XXYLT1: variants seen among roughly 807,000 people sequenced by gnomAD.
XXYLT1 encodes the protein xyloside xylosyltransferase 1, also known as UDP-xylose:alpha-xyloside alpha-1,3-xylosyltransferase.
XXYLT1 carries 20 observed loss-of-function variants against 28.9 expected under a neutral mutation model. That is an observed-to-expected ratio of 0.69 (90% confidence interval 0.49 to 1.00). XXYLT1 has a LOEUF of 1.00. XXYLT1 is among the 50% of genes least tolerant of loss of function. XXYLT1 has a pLI of 0.00. For synonymous variants in XXYLT1, 257 were observed against 253.8 expected, an observed-to-expected ratio of 1.01 and a Z score of -0.12; for missense variants, 542 against 560.1, an observed-to-expected ratio of 0.97 and a Z score of 0.33.
At chr3:195,263,837 T>C (rs1198887004) in intron 1 of XXYLT1, among the ~76,000 whole-genome samples, 1 of 152,214 alleles carries the variant, frequency 6.6e-6, no homozygotes, top group Non-Finnish European at 1.5e-5. Context: ...ATCCTGGGTT[T>C]AATCACTATA....
intron 2 of XXYLT1, among the ~76,000 whole-genome samples, chr3:195,223,126 G>A (rs2108797623): frequency 1.3e-5 from 2 of 152,050 alleles, no homozygotes; most frequent in African/African-American, 4.8e-5. Flanking sequence ...TCATCTACTT[G>A]GGAGGCTGAG....
chr3:195,161,156 C>G (rs531222067), intron 2 of XXYLT1, among the ~76,000 whole-genome samples: 21 of 152,308 alleles, frequency 1.4e-4, no homozygotes, highest in South Asian at 1.2e-3. Flanking sequence ...GCCCATGAAC[C>G]TCCATCATGT....
rs141440967 is a variant in XXYLT1 at position 195,244,040 on chromosome 3, G to A, written c.505-17184C>T. ...TGTCCTCACTGCACGACGTCCAATC[G>A]TTACCTCCTCACCCTCATCTCCACC... is the stretch of plus-strand genomic sequence containing the variant. On this transcript the variant is annotated intron_variant, in intron 1 of 3. Coordinates refer to ENST00000310380, the MANE Select transcript of XXYLT1 (RefSeq NM_152531.5). Among the ~76,000 whole-genome samples the A allele has an allele frequency of 5.6e-4, 85 of 152,244 alleles. 1 individual carries two copies. In the Middle Eastern group the frequency reaches 0.01, roughly 18 times the overall value.
chr3:195,195,254 T>C lies in XXYLT1; in HGVS notation c.652+31455A>G, dbSNP rs1577132248. 6.6e-6 allele frequency among the ~76,000 whole-genome samples: 1 copy of C among 152,234 alleles called. No individual in the cohort carries two copies. The highest frequency in any genetic ancestry group is 1.5e-5 in the Non-Finnish European group (1 of 68,038). ...CTTAAGTGAATTCATATAAAGCACT[T>C]AGAACAATGCCTGGGTCTCAGTAAG... On this transcript the variant is annotated intron_variant, in intron 2 of 3. Coordinates refer to ENST00000310380, the MANE Select transcript of XXYLT1 (RefSeq NM_152531.5). This position sits in a 1 kb window ranked among gnomAD's most constrained non-coding sequence, Gnocchi z 4.4.
chr3:195,238,974 TCA>T, intron 1 of XXYLT1, among the ~76,000 whole-genome samples: 1 of 152,226 alleles, frequency 6.6e-6, no homozygotes, highest in South Asian at 2.1e-4. Flanking sequence ...CTCAGCCAGC[TCA>T]CTCCCTACTG....
chr3:195,102,341 G>A (rs7635033), intron 3 of XXYLT1, among the ~76,000 whole-genome samples: 33,490 of 151,932 alleles, frequency 0.22, 4,395 homozygotes, highest in East Asian at 0.45. Flanking sequence ...CGATATTATG[G>A]ATGATAGCCC....
At chr3:195,268,517 G>A (rs1349864534) in intron 1 of XXYLT1, among the ~76,000 whole-genome samples, 6 of 151,566 alleles carry the variant, frequency 4.0e-5, no homozygotes, top group East Asian at 3.9e-4. Flanking sequence ...AGAATCGCTC[G>A]AACCCAGGAG....
intron 2 of XXYLT1, among the ~76,000 whole-genome samples, chr3:195,165,085 AC>A (rs1200280228): frequency 6.6e-6 from 1 of 151,766 alleles, no homozygotes; most frequent in Non-Finnish European, 1.5e-5. Flanking sequence ...AAGTTCTAGC[AC>A]CTTGGCTACC....
rs1223806961 is a variant in XXYLT1 at position 195,255,007 on chromosome 3, G to A, written c.504+15548C>T. Among the ~76,000 whole-genome samples the A allele has an allele frequency of 2.0e-5, 3 of 152,040 alleles. No individual in the cohort carries two copies. Among genetic ancestry groups the A allele is most frequent in the Non-Finnish European group, 2.9e-5 (2 of 68,022 alleles). ...GAGACACACGCCCATTCCCACACCC[G>A]CTGCACAGGAAAGAGAAAGAAGTCA... On this transcript the variant is annotated intron_variant, in intron 1 of 3. Coordinates refer to ENST00000310380, the MANE Select transcript of XXYLT1 (RefSeq NM_152531.5). This position sits in a 1 kb window ranked among gnomAD's most constrained non-coding sequence, Gnocchi z 4.5.
At chr3:195,178,778 G>A (rs536301654) in intron 2 of XXYLT1, among the ~76,000 whole-genome samples, 56 of 152,328 alleles carry the variant, frequency 3.7e-4, no homozygotes, top group South Asian at 8.3e-4. Flanking sequence ...ATTTCCACCA[G>A]GGAGCACATG....
intron 3 of XXYLT1, among the ~76,000 whole-genome samples, chr3:195,153,084 C>T (rs1433820015): frequency 6.6e-6 from 1 of 152,202 alleles, no homozygotes; most frequent in Non-Finnish European, 1.5e-5. Context: ...GCCGAGACCG[C>T]CTGCTCAAGA....
At chr3:195,221,042 G>T (rs1196090965) in intron 2 of XXYLT1, among the ~76,000 whole-genome samples, 1 of 152,122 alleles carries the variant, frequency 6.6e-6, no homozygotes, top group Non-Finnish European at 1.5e-5. Context: ...GATATGATGT[G>T]AGGGAAACAG....
intron 1 of XXYLT1, among the ~76,000 whole-genome samples, chr3:195,260,315 C>T (rs182073492): frequency 1.1e-3 from 163 of 152,014 alleles, no homozygotes; most frequent in African/African-American, 3.8e-3. Context: ...GCCCGACGCC[C>T]GCGGCCCCTC....
rs1725440527 is a variant in XXYLT1 at position 195,255,376 on chromosome 3, G to A, written c.504+15179C>T. Among the ~76,000 whole-genome samples the A allele has an allele frequency of 6.6e-6, 1 of 152,200 alleles. No homozygotes were observed. The highest frequency in any genetic ancestry group is 1.5e-5 in the Non-Finnish European group (1 of 68,042). On this transcript the variant is annotated intron_variant, in intron 1 of 3. Transcript: ENST00000310380. This position sits in a 1 kb window ranked among gnomAD's most constrained non-coding sequence, Gnocchi z 4.5. The stretch of plus-strand genomic sequence containing the variant: ...CTCAGCCCCCAGCAGGACCCAGTCG[G>A]GCTGGGGACTCAGCTCCATCCAAGT...
chr3:195,086,321 C>G (rs1341196055), intron 3 of XXYLT1, among the ~76,000 whole-genome samples: 1 of 152,212 alleles, frequency 6.6e-6, no homozygotes, highest in East Asian at 1.9e-4. Flanking sequence ...ACGGCTTTAT[C>G]AGAACTGTCT....
At chr3:195,175,698 T>C (rs1294808097) in intron 2 of XXYLT1, 9 of 1,536,020 alleles carry the variant, frequency 5.9e-6, no homozygotes, top group Non-Finnish European at 7.8e-6. Context: ...TGATGGACTA[T>C]GAGCAGAAGT....
intron 3 of XXYLT1, among the ~76,000 whole-genome samples, chr3:195,101,846 G>A (rs761334970): frequency 9.8e-5 from 14 of 142,854 alleles, no homozygotes; most frequent in Admixed American, 2.1e-4. Context: ...GGAGAGGGGA[G>A]GGAAGAAAGA....
At chr3:195,265,461 C>T (rs1420956011) in intron 1 of XXYLT1, among the ~76,000 whole-genome samples, 1 of 152,032 alleles carries the variant, frequency 6.6e-6, no homozygotes, top group Non-Finnish European at 1.5e-5. Flanking sequence ...GAAGGTCTTT[C>T]TGAACAGTTA....
In XXYLT1 at chr3:195,180,321, G is replaced by T; in HGVS notation, c.653-23740C>A. Reference sequence around the variant, plus strand: ...CATCCTGGGGACCCAACTCATGAGGGCCCAGAAGGAAGGAGCCACAAAGGT... The same window carrying T: ...CATCCTGGGGACCCAACTCATGAGGTCCCAGAAGGAAGGAGCCACAAAGGT... On this transcript the variant is annotated intron_variant, in intron 2 of 3. Transcript: ENST00000310380. The surrounding 1 kb of genome is among the most constrained non-coding windows in gnomAD (Gnocchi z 5.8). 1.0e-6 allele frequency: 1 copy of T among 985,388 alleles called. No homozygotes were observed. 61.0% of individuals were successfully genotyped at this position (985,388 alleles called of 1,614,324 possible).
Sources: allele counts gnomAD v4.1 joint callset (sites outside exome capture counted in the v4.1 genomes callset), GRCh38; gene constraint gnomAD v4.1.1; non-coding constraint Gnocchi (gnomAD v3.1); transcripts MANE v1.5; gene names NCBI Gene and HGNC (gene_info 2026-07-23, HGNC 2026-07-21).